The following WARS1 variants were observed in gnomAD, a reference collection of about 807,000 sequenced individuals.
The protein encoded by WARS1 is tryptophanyl-tRNA synthetase 1.
In WARS1, 17 loss-of-function variants were observed where a neutral mutation model predicts 47.8. The ratio of observed to expected loss-of-function variants is 0.36; its 90% CI spans 0.24 to 0.53. WARS1 has a LOEUF of 0.53. Among genes scored for constraint, WARS1 ranks in the 20% least tolerant of loss-of-function variants. The pLI is 0.91. For synonymous variants in WARS1, 208 were observed against 228.1 expected (o/e 0.91, Z 0.79); for missense variants, 434 against 608.0 (o/e 0.71, Z 3.01).
intron 6 of WARS1, among the ~76,000 whole-genome samples, chr14:100,348,444 G>T (rs866686824): frequency 3.3e-5 from 5 of 152,166 alleles, no homozygotes; most frequent in Non-Finnish European, 4.4e-5. Context: ...GGCCCTGGGG[G>T]GCACTGGAGA....
chr14:100,339,414 AC>A (rs1219375496), intron 9 of WARS1, among the ~76,000 whole-genome samples: 11 of 151,932 alleles, frequency 7.2e-5, no homozygotes, highest in South Asian at 4.2e-4. Context: ...ACACGGTGAA[AC>A]CCCGTCTCTA....
At position 100,336,345 on chromosome 14, in the gene WARS1, T is replaced by C. The variant is rs556450544; in HGVS notation, c.1254+717A>G. On this transcript the variant is annotated intron_variant, in intron 10 of 10. Coordinates refer to ENST00000392882, the MANE Select transcript of WARS1 (RefSeq NM_004184.4). ...CCAGGCTGGATTTGAACTCCTGGGC[T>C]CAAGGGATCCTCCTGTCTCAGCTTC... is the stretch of plus-strand genomic sequence containing the variant. Among the ~76,000 whole-genome samples, 22 of 151,158 alleles carry C rather than the reference T, an allele frequency of 1.5e-4. 1 individual carries two copies. The highest frequency in any genetic ancestry group is 3.9e-4 in the Admixed American group (6 of 15,194).
intron 6 of WARS1, 69 bp from the exon 7 acceptor site, chr14:100,346,915 T>A: frequency 1.4e-6 from 2 of 1,381,756 alleles, no homozygotes; most frequent in Non-Finnish European, 2.1e-6. Context: ...TCACAGTTAT[T>A]AAAATTGGAT....
chr14:100,346,974 C>T, intron 6 of WARS1, 128 bp from the exon 7 acceptor site: 1 of 767,012 alleles, frequency 1.3e-6, no homozygotes, highest in Non-Finnish European at 2.2e-6. Context: ...TTGTGGTCAA[C>T]ACGTAAGCAC....
At chr14:100,343,567 T>A (rs1894318390) in intron 7 of WARS1, among the ~76,000 whole-genome samples, 180 bp from the exon 8 acceptor site, 1 of 152,106 alleles carries the variant, frequency 6.6e-6, no homozygotes, top group Non-Finnish European at 1.5e-5. Flanking sequence ...TTTCATCCAT[T>A]TTCTTTATAT....
chr14:100,346,579 G>C (rs2139958989), intron 7 of WARS1, among the ~76,000 whole-genome samples, 167 bp downstream of exon 7: 1 of 152,320 alleles, frequency 6.6e-6, no homozygotes, highest in East Asian at 1.9e-4. Context: ...TAGCTAGTCA[G>C]ATTCCAGGAC....
intron 2 of WARS1, among the ~76,000 whole-genome samples, chr14:100,368,667 A>C (rs184791657): frequency 2.0e-5 from 3 of 152,328 alleles, no homozygotes; most frequent in African/African-American, 7.2e-5. Flanking sequence ...AATACATTTA[A>C]AACTATAACC....
chr14:100,354,283 G>T, intron 5 of WARS1, 164 bp downstream of exon 5: 1 of 999,354 alleles, frequency 1.0e-6, no homozygotes, highest in Non-Finnish European at 1.4e-6. Flanking sequence ...CCTCTAAAGT[G>T]AGCCCAGGAA....
rs951946098 is a variant in WARS1, at chr14:100,373,027, A to C, written c.-74+2256T>G. Among the ~76,000 whole-genome samples, 6 of 151,534 alleles carry C rather than the reference A, an allele frequency of 4.0e-5. No individual in the cohort carries two copies. Among genetic ancestry groups the C allele is most frequent in the African/African-American group, 1.2e-4 (5 of 41,188 alleles). Reference sequence around the variant, plus strand: ...GCTCCATCCTTTGTGATCCCCAAACACTCCTTTAGTAACTTTATGAAAGCA... The same window carrying C: ...GCTCCATCCTTTGTGATCCCCAAACCCTCCTTTAGTAACTTTATGAAAGCA... On this transcript the variant is annotated intron_variant, in intron 1 of 10. Transcript: ENST00000392882. This position sits in a 1 kb window ranked among gnomAD's most constrained non-coding sequence, Gnocchi z 4.4.
intron 9 of WARS1, chr14:100,340,227 C>T (rs1249794013): frequency 6.6e-6 from 1 of 152,212 alleles, no homozygotes; most frequent in African/African-American, 2.4e-5. Flanking sequence ...GATGCAGGAA[C>T]CAGCCTACCA....
At chr14:100,356,397 GT>G (rs368812173) in intron 4 of WARS1, among the ~76,000 whole-genome samples, 20,584 of 84,178 alleles carry the variant, frequency 0.24, 2,735 homozygotes, top group South Asian at 0.4. Flanking sequence ...GTGTGTGTGT[GT>G]GGGGGGGGGT....
At chr14:100,339,210 T>TG (rs1181219769) in intron 9 of WARS1, among the ~76,000 whole-genome samples, 2 of 151,704 alleles carry the variant, frequency 1.3e-5, no homozygotes, top group East Asian at 3.9e-4. Context: ...AGATGAGTGT[T>TG]GGGGCAAAGG....
intron 9 of WARS1, among the ~76,000 whole-genome samples, chr14:100,340,799 G>T (rs4905952): frequency 6.6e-6 from 1 of 152,014 alleles, no homozygotes. Context: ...CCCAGTGACC[G>T]TCTGTAGGCC....
chr14:100,366,642 G>A, intron 2 of WARS1: 2 of 765,228 alleles, frequency 2.6e-6, no homozygotes, highest in South Asian at 2.7e-5. Flanking sequence ...CATGGACATG[G>A]ACATGAGCAT....
At chr14:100,366,210 C>G (rs1895983425) in intron 2 of WARS1, 1 of 426,834 alleles carries the variant, frequency 2.3e-6, no homozygotes, top group Non-Finnish European at 4.7e-6. Context: ...TTCTCTCCCA[C>G]TCAGCCGTAG....
At position 100,360,670 on chromosome 14, in the gene WARS1, A is replaced by C; in HGVS notation, c.314-8T>G. ...TACTACTTCCAAACCGAACTGGAAAAAAAGAAAAGATGACTTTCTTAGGTG... is the reference window on the plus strand; with the variant it reads ...TACTACTTCCAAACCGAACTGGAAACAAAGAAAAGATGACTTTCTTAGGTG... On this transcript the variant is annotated splice_region_variant and splice_polypyrimidine_tract_variant and intron_variant, in intron 3 of 10. Coordinates refer to ENST00000392882, the MANE Select transcript of WARS1 (RefSeq NM_004184.4). 6.2e-7 allele frequency: 1 copy of C among 1,605,808 alleles called. No individual in the cohort carries two copies. The highest frequency in any genetic ancestry group is 8.5e-7 in the Non-Finnish European group (1 of 1,174,330).
At chr14:100,366,695 A>T (rs1896019109) in intron 2 of WARS1, 2 of 790,410 alleles carry the variant, frequency 2.5e-6, no homozygotes, top group Non-Finnish European at 4.7e-6. Flanking sequence ...ACAACGGAAG[A>T]CAGAAGGGAC....
chr14:100,341,297 C>T (rs575036110), intron 9 of WARS1, among the ~76,000 whole-genome samples: 4 of 152,330 alleles, frequency 2.6e-5, no homozygotes, highest in African/African-American at 9.6e-5. Flanking sequence ...CCCCACTCTG[C>T]ACCCTGTGCT....
upstream of WARS1, chr14:100,376,301 G>A (rs1022048817): frequency 8.6e-6 from 9 of 1,041,674 alleles, no homozygotes; most frequent in South Asian, 1.5e-4. Flanking sequence ...CTCAGCAACC[G>A]GCTGTCTCCT....
Sources: allele counts gnomAD v4.1 joint callset (sites outside exome capture counted in the v4.1 genomes callset), GRCh38; gene constraint gnomAD v4.1.1; non-coding constraint Gnocchi (gnomAD v3.1); transcripts MANE v1.5; gene names NCBI Gene and HGNC (gene_info 2026-07-23, HGNC 2026-07-21).